The following MYO15B variants were observed in gnomAD, a reference collection of about 807,000 sequenced individuals.
MYO15B encodes myosin XVB.
A neutral mutation model predicts 119.3 loss-of-function variants in MYO15B; 207 were observed. The observed-to-expected ratio is 1.73, with a 90% confidence interval of 1.55 to 1.95. The LOEUF is 1.95. MYO15B is among the 30% of genes most tolerant of loss of function. The pLI, the probability that MYO15B is intolerant of heterozygous loss-of-function variation, is 0.00. For synonymous variants in MYO15B, 966 were observed against 498.9 expected (o/e 1.94, Z -12.48); for missense variants, 2,264 against 1,203.1 (o/e 1.88, Z -13.04).
intron 21 of MYO15B, among the ~76,000 whole-genome samples, chr17:75,606,455 C>G (rs1157912088): frequency 6.8e-6 from 1 of 148,146 alleles, no homozygotes; most frequent in African/African-American, 2.5e-5. Flanking sequence ...GCTGGGATTA[C>G]AGGCTTGTGC....
At chr17:75,591,236 A>G (rs1388704943) in exon 4 of MYO15B, 2 of 702,794 alleles carry the variant, frequency 2.8e-6, no homozygotes, top group Non-Finnish European at 5.2e-6. Context: ...GGACCCATGC[A>G]TCCTCCTGTG....
chr17:75,625,959 C>T (rs901884154), exon 62 of MYO15B: 3 of 702,214 alleles, frequency 4.3e-6, no homozygotes, highest in African/African-American at 1.7e-5. Flanking sequence ...ATCTCATCCT[C>T]ATGGACCCCA....
At chr17:75,605,431 C>T (rs1487208207) in intron 19 of MYO15B, 73 bp from the exon 20 acceptor site, 24 of 570,824 alleles carry the variant, frequency 4.2e-5, no homozygotes, top group African/African-American at 1.6e-4. Context: ...AGCGAGACTC[C>T]GTCTTAAAAA....
intron 29 of MYO15B, 107 bp downstream of exon 29, chr17:75,613,884 G>T (rs2058191100): frequency 1.6e-6 from 1 of 614,166 alleles, no homozygotes; most frequent in Non-Finnish European, 2.9e-6. Context: ...GGTGCCCCGG[G>T]GTGGGCAGGG....
intron 29 of MYO15B, chr17:75,613,995 G>A (rs1424318812): frequency 1.7e-6 from 1 of 599,088 alleles, no homozygotes; most frequent in Non-Finnish European, 3.0e-6. Flanking sequence ...GAAAAGAAAT[G>A]CCCATGCTGG....
rs2056427113 is a variant in MYO15B, at chr17:75,591,264, T to G, written c.2435+18T>G. On this transcript the variant is annotated intron_variant, in intron 4 of 63. Transcript: ENST00000645453. Reference sequence around the variant, plus strand: ...CTCCTGTGGTGAGTGGTGGCCTTCCTGGGTGGCTGAACCCATGGGCCACAC... The same window carrying G: ...CTCCTGTGGTGAGTGGTGGCCTTCCGGGGTGGCTGAACCCATGGGCCACAC... 1.4e-6 allele frequency: 1 copy of G among 702,466 alleles called. No individual in the cohort carries two copies. Among genetic ancestry groups the G allele is most frequent in the African/African-American group, 1.7e-5 (1 of 57,236 alleles). 43.5% of individuals were successfully genotyped at this position (702,466 alleles called of 1,614,324 possible).
chr17:75,614,721 T>C (rs1451252872), intron 31 of MYO15B, 38 bp downstream of exon 31: 2 of 702,490 alleles, frequency 2.8e-6, no homozygotes, highest in Non-Finnish European at 5.2e-6. Flanking sequence ...TGGCAGAGCA[T>C]GGGAAGCCCC....
At chr17:75,606,693 G>A (rs1267326038) in intron 21 of MYO15B, among the ~76,000 whole-genome samples, 2 of 150,906 alleles carry the variant, frequency 1.3e-5, no homozygotes, top group African/African-American at 4.9e-5. Flanking sequence ...GGCTGGTCTC[G>A]AACTCCCGAC....
chr17:75,624,000 C>A (rs951470129), exon 55 of MYO15B: 1 of 703,000 alleles, frequency 1.4e-6, no homozygotes, highest in South Asian at 1.5e-5. Context: ...CAGGCTTCTT[C>A]CCCCCGTCGA....
At chr17:75,592,530 T>G (rs1295028499) in exon 8 of MYO15B, 1 of 606,568 alleles carries the variant, frequency 1.6e-6, no homozygotes, top group Admixed American at 2.8e-5. Context: ...GACTTACTAC[T>G]ACCTCAACCA....
At chr17:75,625,560 G>C (rs2148179944) in exon 61 of MYO15B, 1 of 703,078 alleles carries the variant, frequency 1.4e-6, no homozygotes, top group Non-Finnish European at 2.6e-6. Context: ...CAAAGCAGCT[G>C]CAACGGCAGG....
At chr17:75,603,430 C>G in intron 19 of MYO15B, 118 bp downstream of exon 19, 1 of 620,326 alleles carries the variant, frequency 1.6e-6, no homozygotes, top group Non-Finnish European at 2.9e-6. Flanking sequence ...GCCTAGCACC[C>G]AACCCTCCCT....
chr17:75,596,933 T>C, intron 14 of MYO15B, 34 bp downstream of exon 14: 1 of 670,454 alleles, frequency 1.5e-6, no homozygotes, highest in Non-Finnish European at 2.7e-6. Flanking sequence ...CCACCCAGTG[T>C]CGGGAAGGAG....
chr17:75,605,526 G>A lies in MYO15B; in HGVS notation c.4039G>A (p.Gly1347Arg), dbSNP rs1364420475. The A allele has an allele frequency of 5.7e-6, 4 of 702,646 alleles. No individual in the cohort carries two copies. The South Asian group carries it at 5.9e-5, about 10-fold the overall frequency. The allele number at this position is 702,646 out of a possible 1,614,324, so 43.5% of individuals were successfully genotyped here. ...CAGCTTCCAGGCCCTGGGGTCAGAA[G>A]GGCAGGAAGACCTCTCTGACCGGGA... The change falls in exon 20 of 64, where the codon GGG becomes AGG. Residue 1347 changes from glycine (G) to arginine (R), a missense_variant. By Grantham distance (125) the Gly-to-Arg change is moderately radical (BLOSUM62 -2). Coordinates refer to ENST00000645453, the Ensembl canonical transcript of MYO15B.
chr17:75,620,195 G>A, intron 47 of MYO15B, 51 bp from the exon 48 acceptor site: 1 of 701,862 alleles, frequency 1.4e-6, no homozygotes, highest in East Asian at 2.7e-5. Context: ...AGGCAGGACA[G>A]GGAGGCACAG....
chr17:75,619,079 A>T, intron 43 of MYO15B, 64 bp from the exon 44 acceptor site: 5 of 700,982 alleles, frequency 7.1e-6, no homozygotes, highest in Non-Finnish European at 1.3e-5. Flanking sequence ...ATGCATGTGG[A>T]TGGCTGCTCT....
intron 14 of MYO15B, among the ~76,000 whole-genome samples, chr17:75,600,420 A>G (rs1598759133): frequency 9.4e-6 from 1 of 106,264 alleles, no homozygotes; most frequent in Non-Finnish European, 1.9e-5. Context: ...AAAGTGCCCC[A>G]TCCCCATTTC....
At chr17:75,593,924 G>A (rs371762830) in intron 9 of MYO15B, among the ~76,000 whole-genome samples, 97 of 128,806 alleles carry the variant, frequency 7.5e-4, no homozygotes, top group East Asian at 9.0e-4. Flanking sequence ...AGTCTCAGAA[G>A]AAAAAAAAAA....
rs896932485 is a variant in MYO15B at position 75,617,151 on chromosome 17, C to T, written c.6661C>T (p.Gln2221Ter). 4 of 687,242 alleles carry T rather than the reference C, an allele frequency of 5.8e-6. No homozygotes were observed. In the African/African-American group the frequency reaches 7.1e-5, roughly 12 times the overall value. The allele number at this position is 687,242 out of a possible 1,614,324, so 42.6% of individuals were successfully genotyped here. A position where few individuals can be genotyped will look rare whatever the true frequency, so the allele number is the denominator to read the frequency against. ...GGCTCCTCGACCCAAGGCCCCGCTA[C>T]AGCTTGGGCCCTCTAGCTCCATCAA... Residue 2221 changes from glutamine (Q) to a stop codon, truncating the protein, a stop_gained, in exon 41 of 64, where the codon CAG becomes TAG. Coordinates refer to ENST00000645453, the Ensembl canonical transcript of MYO15B. LOFTEE classifies it high-confidence loss of function.
Sources: gnomAD v4.1 joint callset for allele counts (sites outside exome capture counted in the v4.1 genomes callset) on GRCh38, gnomAD v4.1.1 for gene constraint, MANE v1.5 for transcripts, NCBI Gene and HGNC (gene_info 2026-07-23, HGNC 2026-07-21) for gene names.